Variants in ARHGEF37 observed in about 807,000 individuals in gnomAD.
ARHGEF37 encodes the protein Rho guanine nucleotide exchange factor (GEF) 37.
ARHGEF37 carries 55 observed loss-of-function variants against 71.1 expected under a neutral mutation model. The ratio of observed to expected loss-of-function variants is 0.77; its 90% CI spans 0.62 to 0.97. The LOEUF (loss-of-function observed/expected upper bound fraction) is 0.97, where lower values mean the gene tolerates loss of function less well. ARHGEF37 is among the 50% of genes least tolerant of loss of function. The pLI is 0.00. For missense variants in ARHGEF37, 765 were observed against 836.8 expected, an observed-to-expected ratio of 0.91 and a Z score of 1.06; for synonymous variants, 327 against 350.6, an observed-to-expected ratio of 0.93 and a Z score of 0.75.
At chr5:149,620,308 G>A in intron 7 of ARHGEF37, 46 bp from the exon 8 acceptor site, 1 of 1,366,462 alleles carries the variant, frequency 7.3e-7, no homozygotes, top group Non-Finnish European at 1.0e-6. Context: ...GCGTAAGATG[G>A]CCATGACAGG....
upstream of ARHGEF37, among the ~76,000 whole-genome samples, chr5:149,580,069 T>A (rs1763078990): frequency 2.0e-5 from 3 of 152,102 alleles, no homozygotes. Flanking sequence ...TTTTTCTTTC[T>A]TTTCTTTTTC....
chr5:149,609,639 G>A lies in ARHGEF37; in HGVS notation c.402G>A (p.Thr134=), dbSNP rs746359426. 3.1e-6 allele frequency: 5 copies of A among 1,613,134 alleles called. No individual in the cohort carries two copies. Among genetic ancestry groups the A allele is most frequent in the Non-Finnish European group, 4.2e-6 (5 of 1,180,034 alleles). Residue 134 remains threonine, a synonymous_variant, in exon 4 of 13, where the codon ACG becomes ACA. Transcript: ENST00000333677. ...ACCAGGCCTTGCTACTGGTGGACAC[G>A]TACCGGAAGGAGCCGGAGCTGCAGC... ...SYDQALLLVD[T]YRKEPELQRH...
chr5:149,607,751 ACTT>A (rs1217526006), intron 3 of ARHGEF37, among the ~76,000 whole-genome samples: 49 of 140,980 alleles, frequency 3.5e-4, no homozygotes, highest in African/African-American at 1.2e-3. Flanking sequence ...TTATAAAGAA[ACTT>A]CTTTTTTTTT....
At chr5:149,558,843 TTAGAGG>T (rs1189151890) in intron 1 of ARHGEF37, among the ~76,000 whole-genome samples, 1 of 151,956 alleles carries the variant, frequency 6.6e-6, no homozygotes, top group African/African-American at 2.4e-5. Context: ...CAAAAATCTC[TTAGAGG>T]TAATCACCAA....
At chr5:149,588,314 T>G (rs1763300032) in intron 1 of ARHGEF37, among the ~76,000 whole-genome samples, 2 of 150,772 alleles carry the variant, frequency 1.3e-5, no homozygotes, top group African/African-American at 4.9e-5. Flanking sequence ...AGTAAAATAT[T>G]TAATAGAGTG....
At chr5:149,629,603 G>A (rs1752817584) in intron 12 of ARHGEF37, among the ~76,000 whole-genome samples, 1 of 152,222 alleles carries the variant, frequency 6.6e-6, no homozygotes, top group Admixed American at 6.5e-5. Flanking sequence ...TGAAGCCAGT[G>A]TGGCCGGAGA....
chr5:149,628,984 C>A lies in ARHGEF37; in HGVS notation c.1818+18C>A. ...TGAACCAGGTGAGTATAGGAGAGGGCTGGGGGCTTGCCTCCCATCGGCCAT... is the reference window on the plus strand; with the variant it reads ...TGAACCAGGTGAGTATAGGAGAGGGATGGGGGCTTGCCTCCCATCGGCCAT... On this transcript the variant is annotated intron_variant, in intron 12 of 12. Coordinates refer to ENST00000333677, the MANE Select transcript of ARHGEF37 (RefSeq NM_001001669.3). 1.2e-6 allele frequency: 2 copies of A among 1,605,140 alleles called. No homozygotes were observed. Among genetic ancestry groups the A allele is most frequent in the Non-Finnish European group, 1.7e-6 (2 of 1,175,820 alleles).
At chr5:149,605,918 G>A (rs1168052065) in intron 3 of ARHGEF37, among the ~76,000 whole-genome samples, 1 of 152,082 alleles carries the variant, frequency 6.6e-6, no homozygotes. Flanking sequence ...ATCCCAGCTA[G>A]AGATGAGTAT....
chr5:149,617,421 C>T (rs911480996), intron 5 of ARHGEF37, among the ~76,000 whole-genome samples: 4 of 152,132 alleles, frequency 2.6e-5, no homozygotes, highest in African/African-American at 4.8e-5. Flanking sequence ...GTTTGGAAAA[C>T]GAAACAGTGT....
chr5:149,613,207 A>G (rs1022416501), intron 4 of ARHGEF37, among the ~76,000 whole-genome samples: 2 of 152,268 alleles, frequency 1.3e-5, no homozygotes, highest in Admixed American at 6.5e-5. Flanking sequence ...GAACAAAAGG[A>G]AAGTTCCAAT....
intron 1 of ARHGEF37, among the ~76,000 whole-genome samples, chr5:149,565,618 C>T (rs943621522): frequency 6.6e-6 from 1 of 152,138 alleles, no homozygotes; most frequent in East Asian, 1.9e-4. Context: ...AAGCACTGGG[C>T]TTATTTATTG....
intron 3 of ARHGEF37, among the ~76,000 whole-genome samples, chr5:149,604,178 C>G (rs545028623): frequency 6.6e-6 from 1 of 152,252 alleles, no homozygotes; most frequent in East Asian, 1.9e-4. Flanking sequence ...TGTGCTGGAG[C>G]CACAGAGCCA....
chr5:149,614,975 G>T (rs1752333786), intron 4 of ARHGEF37, among the ~76,000 whole-genome samples: 1 of 152,076 alleles, frequency 6.6e-6, no homozygotes, highest in Non-Finnish European at 1.5e-5. Context: ...TCCAATCTGG[G>T]CCTAGGGGCT....
chr5:149,579,356 C>T (rs925253052), upstream of ARHGEF37, among the ~76,000 whole-genome samples: 8 of 152,116 alleles, frequency 5.3e-5, no homozygotes, highest in South Asian at 2.1e-4. Context: ...CTTCACTTCC[C>T]GGCTGACTTT....
intron 12 of ARHGEF37, 133 bp from the exon 13 acceptor site, chr5:149,631,849 C>T (rs911854458): frequency 5.0e-6 from 4 of 807,274 alleles, no homozygotes; most frequent in East Asian, 5.4e-5. Flanking sequence ...AAAAGATGTA[C>T]TTGGGAGGTG....
intron 11 of ARHGEF37, among the ~76,000 whole-genome samples, 191 bp downstream of exon 11, chr5:149,627,462 A>C (rs150262890): frequency 0.013 from 1,946 of 152,360 alleles, 40 homozygotes; most frequent in African/African-American, 0.038. Context: ...TGAAAAGCCA[A>C]CAAGAGGAAT....
intron 1 of ARHGEF37, among the ~76,000 whole-genome samples, chr5:149,569,115 G>T (rs1580883386): frequency 1.3e-5 from 2 of 151,878 alleles, no homozygotes; most frequent in Middle Eastern, 6.8e-3. Flanking sequence ...TTGTTGTTTG[G>T]ATGTGACACA....
At chr5:149,597,540 T>C (rs889644601) in intron 1 of ARHGEF37, among the ~76,000 whole-genome samples, 4 of 152,208 alleles carry the variant, frequency 2.6e-5, no homozygotes, top group Admixed American at 1.3e-4. Context: ...ATTACAGGCA[T>C]GAGCCACCAC....
intron 11 of ARHGEF37, among the ~76,000 whole-genome samples, chr5:149,627,472 T>C (rs1330471657): frequency 1.3e-5 from 2 of 152,198 alleles, no homozygotes; most frequent in African/African-American, 2.4e-5. Flanking sequence ...ACAAGAGGAA[T>C]TGAGGCATTC....
Sources: allele counts gnomAD v4.1 joint callset (sites outside exome capture counted in the v4.1 genomes callset), GRCh38; gene constraint gnomAD v4.1.1; transcripts MANE v1.5; gene names NCBI Gene and HGNC (gene_info 2026-07-23, HGNC 2026-07-21).